The following RNF227 variants were observed in gnomAD, a reference collection of about 807,000 sequenced individuals.
The protein encoded by RNF227 is long intergenic non-protein coding RNA 2581.
A neutral mutation model predicts 4.9 loss-of-function variants in RNF227; 8 were observed. The observed-to-expected ratio is 1.65, with a 90% CI of 0.97 to 2.98. The LOEUF (loss-of-function observed/expected upper bound fraction) is 2.98. RNF227 is among the 30% of genes most tolerant of loss of function. The probability of loss-of-function intolerance (pLI) is 0.00; values close to 1 mark genes in which losing one functional copy is unlikely to be tolerated. For synonymous variants in RNF227, 63 were observed against 28.1 expected (o/e 2.25, Z -3.94); for missense variants, 136 against 65.4 (o/e 2.08, Z -3.72).
rs1971959665 is a variant in RNF227 at position 7,915,766 on chromosome 17, T to C, written c.430A>G (p.Arg144Gly). The C allele has an allele frequency of 1.4e-6, 1 of 702,406 alleles. No individual in the cohort carries two copies. The highest frequency in any genetic ancestry group is 2.0e-5 in the Admixed American group (1 of 49,978). The allele number at this position is 702,406 out of a possible 1,614,324, so 43.5% of individuals were successfully genotyped here. A position where few individuals can be genotyped will look rare whatever the true frequency, so the allele number is the denominator to read the frequency against. The change falls in exon 1 of 2, where the codon AGG becomes GGG. Residue 144 changes from arginine (R) to glycine (G), a missense_variant. Arg to Gly is a moderately radical substitution (Grantham distance 125). Coordinates refer to ENST00000324348, the MANE Select transcript of RNF227 (RefSeq NM_001358699.2). The part of the protein sequence containing the change: ...EGESEKGAGP[R>G]SAGWRALRRL... ...CGGAGCGCGCGCCACCCAGCACTCC[T>C]AGGCCCCGCCCCCTTCTCGCTCTCC...
In RNF227 at chr17:7,915,964, G is replaced by A. The variant is rs1023436437; in HGVS notation, c.232C>T (p.Pro78Ser). Reference sequence around the variant, plus strand: ...AGCTGCGAGGGCGCGCGGCAGAAGGGGCACGTGACCACGCGGCGCAGGCGC... The same window carrying A: ...AGCTGCGAGGGCGCGCGGCAGAAGGAGCACGTGACCACGCGGCGCAGGCGC... ...VVRLRRVVTC[P>S]FCRAPSQLPR... Residue 78 changes from proline (P) to serine (S), a missense_variant, in exon 1 of 2, where the codon CCC becomes TCC. Physicochemically the swap from Pro to Ser is moderately conservative, Grantham distance 74. Coordinates refer to ENST00000324348, the MANE Select transcript of RNF227 (RefSeq NM_001358699.2). 7.8e-5 allele frequency: 45 copies of A among 576,020 alleles called. No individual in the cohort carries two copies. Among genetic ancestry groups the A allele is most frequent in the African/African-American group, 6.7e-4 (35 of 51,990 alleles). 35.7% of individuals were successfully genotyped at this position (576,020 alleles called of 1,614,324 possible).
chr17:7,915,735 A>C lies in RNF227; in HGVS notation c.461T>G (p.Leu154Arg). 1.4e-6 allele frequency: 1 copy of C among 702,384 alleles called. No homozygotes were observed. The highest frequency in any genetic ancestry group is 2.6e-6 in the Non-Finnish European group (1 of 384,686). The allele number at this position is 702,384 out of a possible 1,614,324, so 43.5% of individuals were successfully genotyped here. A position where few individuals can be genotyped will look rare whatever the true frequency, so the allele number is the denominator to read the frequency against. The change falls in exon 1 of 2, where the codon CTC (leucine) becomes CGC (arginine). Residue 154 changes from leucine to arginine, a missense_variant. Coordinates refer to ENST00000324348, the MANE Select transcript of RNF227 (RefSeq NM_001358699.2). ...RSAGWRALRR[L>R]WDRVLGPARR... ...CGCAGGCCCCAGGACCCTGTCCCAG[A>C]GCCGCCGGAGCGCGCGCCACCCAGC...
Position 7,915,160 on chromosome 17 carries a change from CAAAG to C in RNF227, c.*358_*361del. The C allele has an allele frequency of 5.4e-6, 2 of 372,344 alleles. No individual in the cohort carries two copies. The highest frequency in any genetic ancestry group is 2.4e-5 in the South Asian group (1 of 41,032). The allele number at this position is 372,344 out of a possible 1,614,324, so 23.1% of individuals were successfully genotyped here. A position where few individuals can be genotyped will look rare whatever the true frequency, so the allele number is the denominator to read the frequency against. On this transcript the variant is annotated 3_prime_UTR_variant, in exon 2 of 2. Transcript: ENST00000324348. ...AAAAAAAAAAAATTCAAACCATTGA[CAAAG>C]AATTGCTAAAATGGGACCTGTTGCT...
Position 7,916,252 on chromosome 17 carries a change from G to T in RNF227, c.-57C>A. The T allele has an allele frequency of 2.7e-6, 1 of 371,032 alleles. No individual in the cohort carries two copies. Among genetic ancestry groups the T allele is most frequent in the South Asian group, 1.3e-4 (1 of 7,436 alleles). 23.0% of individuals were successfully genotyped at this position (371,032 alleles called of 1,614,324 possible). A position where few individuals can be genotyped will look rare whatever the true frequency, so the allele number is the denominator to read the frequency against. On this transcript the variant is annotated 5_prime_UTR_variant, in exon 1 of 2. Coordinates refer to ENST00000324348, the MANE Select transcript of RNF227 (RefSeq NM_001358699.2). ...ACGCGGCCAGCTCCGTGAACAGAAC[G>T]AGCACACTCTCCTGGGGCCGGGTCG...
chr17:7,915,950 C>T lies in RNF227; in HGVS notation c.246G>A (p.Ala82=), dbSNP rs1414268786. ...GGCCGCCGCGAGGGAGCTGCGAGGG[C>T]GCGCGGCAGAAGGGGCACGTGACCA... ...RRVVTCPFCR[A]PSQLPRGGLT... Residue 82 remains alanine (A), a synonymous_variant, in exon 1 of 2, where the codon GCG becomes GCA. Coordinates refer to ENST00000324348, the MANE Select transcript of RNF227 (RefSeq NM_001358699.2). The T allele has an allele frequency of 8.9e-6, 6 of 671,788 alleles. No homozygotes were observed. The highest frequency in any genetic ancestry group is 7.6e-5 in the South Asian group (5 of 65,632). 41.6% of individuals were successfully genotyped at this position (671,788 alleles called of 1,614,324 possible).
chr17:7,913,588 G>A lies in RNF227; in HGVS notation c.*1934C>T, dbSNP rs1342737827. ...AAAGAGGGAGCATTTAAGCTGAGAT[G>A]TAAGGACAGGAAAATGCCAAAATAG... On this transcript the variant is annotated 3_prime_UTR_variant, in exon 2 of 2. Coordinates refer to ENST00000324348, the MANE Select transcript of RNF227 (RefSeq NM_001358699.2). 12 of 152,198 alleles carry A rather than the reference G, an allele frequency of 7.9e-5. No individual in the cohort carries two copies. Among genetic ancestry groups the A allele is most frequent in the Admixed American group, 7.9e-4 (12 of 15,284 alleles). 9.4% of individuals were successfully genotyped at this position (152,198 alleles called of 1,614,324 possible). A position where few individuals can be genotyped will look rare whatever the true frequency, so the allele number is the denominator to read the frequency against.
At position 7,914,281 on chromosome 17, in the gene RNF227, A is replaced by C. The variant is rs1421976863; in HGVS notation, c.*1241T>G. On this transcript the variant is annotated 3_prime_UTR_variant, in exon 2 of 2. Coordinates refer to ENST00000324348, the MANE Select transcript of RNF227 (RefSeq NM_001358699.2). ...AGAGTCTGGCCCGGCGCGGTGGCTC[A>C]CTCCTATAATCCCAGCACTTTGGGA... is the stretch of plus-strand genomic sequence containing the variant. The C allele has an allele frequency of 6.6e-6, 1 of 151,848 alleles. No individual in the cohort carries two copies. Among genetic ancestry groups the C allele is most frequent in the African/African-American group, 2.4e-5 (1 of 41,276 alleles). 9.4% of individuals were successfully genotyped at this position (151,848 alleles called of 1,614,324 possible). A position where few individuals can be genotyped will look rare whatever the true frequency, so the allele number is the denominator to read the frequency against.
In RNF227 at chr17:7,915,261, G is replaced by A; in HGVS notation, c.*261C>T. On this transcript the variant is annotated 3_prime_UTR_variant, in exon 2 of 2. Transcript: ENST00000324348. ...GAAAACAGTCTGTCTTCTTCCCACG[G>A]TAACGTAGGCTTTGTTTATATCATC... 1 of 588,086 alleles carries A rather than the reference G, an allele frequency of 1.7e-6. No individual in the cohort carries two copies. 36.4% of individuals were successfully genotyped at this position (588,086 alleles called of 1,614,324 possible). A position where few individuals can be genotyped will look rare whatever the true frequency, so the allele number is the denominator to read the frequency against.
Position 7,915,900 on chromosome 17 carries a change from T to A in RNF227, c.296A>T (p.Asp99Val), listed in dbSNP as rs1049921942. 1.4e-6 allele frequency: 1 copy of A among 702,300 alleles called. No homozygotes were observed. The highest frequency in any genetic ancestry group is 2.6e-6 in the Non-Finnish European group (1 of 384,610). 43.5% of individuals were successfully genotyped at this position (702,300 alleles called of 1,614,324 possible). A position where few individuals can be genotyped will look rare whatever the true frequency, so the allele number is the denominator to read the frequency against. Residue 99 changes from aspartate (D) to valine (V), a missense_variant, in exon 1 of 2, where the codon GAC (aspartate) becomes GTC (valine). Asp to Val is a radical substitution (Grantham distance 152, BLOSUM62 -3). Coordinates refer to ENST00000324348, the MANE Select transcript of RNF227 (RefSeq NM_001358699.2). ...GGLTEMALDS[D>V]LWSRLEEKAR... ...TTTTTCCTCCAATCGCGACCACAAG[T>A]CCGAGTCAAGAGCCATCTCCGTGAG... is the stretch of plus-strand genomic sequence containing the variant.
chr17:7,915,336 G>A lies in RNF227; in HGVS notation c.*186C>T. Reference sequence around the variant, plus strand: ...GTAAGACTGGCACAGTCAGTAGATGGGGGCGAGTTCGTCTAGGAGCCTCCC... The same window carrying A: ...GTAAGACTGGCACAGTCAGTAGATGAGGGCGAGTTCGTCTAGGAGCCTCCC... On this transcript the variant is annotated 3_prime_UTR_variant, in exon 2 of 2. Coordinates refer to ENST00000324348, the MANE Select transcript of RNF227 (RefSeq NM_001358699.2). 1 of 691,962 alleles carries A rather than the reference G, an allele frequency of 1.4e-6. No homozygotes were observed. The highest frequency in any genetic ancestry group is 2.7e-5 in the East Asian group (1 of 36,980). The allele number at this position is 691,962 out of a possible 1,614,324, so 42.9% of individuals were successfully genotyped here. A position where few individuals can be genotyped will look rare whatever the true frequency, so the allele number is the denominator to read the frequency against.
intron 1 of RNF227, 33 bp from the exon 2 acceptor site, chr17:7,915,610 G>A (rs566828551): frequency 1.4e-6 from 1 of 703,018 alleles, no homozygotes; most frequent in African/African-American, 1.7e-5. Context: ...GTGGCAGCAG[G>A]AGCATGCCAA....
chr17:7,916,293 G>A (rs1971972101), upstream of RNF227: 1 of 343,398 alleles, frequency 2.9e-6, no homozygotes, highest in Non-Finnish European at 5.3e-6. Context: ...TGGGGCCGGC[G>A]CCGCGGCCTC....
Position 7,915,672 on chromosome 17 carries a change from C to A in RNF227, c.517+7G>T, listed in dbSNP as rs1971957592. On this transcript the variant is annotated splice_region_variant and intron_variant, in intron 1 of 1. Coordinates refer to ENST00000324348, the MANE Select transcript of RNF227 (RefSeq NM_001358699.2). ...CTCCCCTGCATCCTCCCCGGGCAGC[C>A]CCTCACCGTTGCTAGGCAGCGGACG... The A allele has an allele frequency of 2.8e-6, 2 of 702,102 alleles. No homozygotes were observed. Among genetic ancestry groups the A allele is most frequent in the Middle Eastern group, 2.3e-4 (1 of 4,368 alleles). 43.5% of individuals were successfully genotyped at this position (702,102 alleles called of 1,614,324 possible).
intron 1 of RNF227, 45 bp from the exon 2 acceptor site, chr17:7,915,622 G>T: frequency 2.8e-6 from 2 of 702,958 alleles, no homozygotes; most frequent in Non-Finnish European, 5.2e-6. Context: ...GCATGCCAAC[G>T]AACCTCGGTA....
chr17:7,916,021 C>G lies in RNF227; in HGVS notation c.175G>C (p.Gly59Arg), dbSNP rs1567886782. 2 of 349,326 alleles carry G rather than the reference C, an allele frequency of 5.7e-6. No individual in the cohort carries two copies. Among genetic ancestry groups the G allele is most frequent in the Non-Finnish European group, 1.0e-5 (2 of 195,616 alleles). 21.6% of individuals were successfully genotyped at this position (349,326 alleles called of 1,614,324 possible). Residue 59 changes from glycine (G) to arginine (R), a missense_variant, in exon 1 of 2, where the codon GGG becomes CGG. Transcript: ENST00000324348. ...TACLRELAARGDGGGAAARVV... is the reference protein window; with the variant it reads ...TACLRELAARRDGGGAAARVV... Reference sequence around the variant, plus strand: ...CGCGCGGCCGCCCCGCCGCCGTCCCCGCGCGCCGCCAGCTCGCGGAGGCAG... The same window carrying G: ...CGCGCGGCCGCCCCGCCGCCGTCCCGGCGCGCCGCCAGCTCGCGGAGGCAG...
rs1225788352 is a variant in RNF227 at position 7,915,680 on chromosome 17, G to A, written c.516C>T (p.Asn172=). Residue 172 remains asparagine, a splice_region_variant and synonymous_variant, in exon 1 of 2, where the codon AAC becomes AAT. Transcript: ENST00000324348. ...CATCCTCCCCGGGCAGCCCCTCACC[G>A]TTGCTAGGCAGCGGACGCCGCCAGC... ...ARRWRRPLPS[N]VLYCAEIKDI... 2.9e-6 allele frequency: 2 copies of A among 701,528 alleles called. No individual in the cohort carries two copies. The highest frequency in any genetic ancestry group is 5.2e-6 in the Non-Finnish European group (2 of 383,990). 43.5% of individuals were successfully genotyped at this position (701,528 alleles called of 1,614,324 possible).
Position 7,915,980 on chromosome 17 carries a change from G to A in RNF227, c.216C>T (p.Arg72=), listed in dbSNP as rs1204262236. The A allele has an allele frequency of 7.2e-6, 3 of 419,400 alleles. No homozygotes were observed. Among genetic ancestry groups the A allele is most frequent in the Non-Finnish European group, 1.3e-5 (3 of 237,316 alleles). 26.0% of individuals were successfully genotyped at this position (419,400 alleles called of 1,614,324 possible). A position where few individuals can be genotyped will look rare whatever the true frequency, so the allele number is the denominator to read the frequency against. Residue 72 remains arginine, a synonymous_variant, in exon 1 of 2, where the codon CGC becomes CGT. Transcript: ENST00000324348. ...GGAAARVVRL[R]RVVTCPFCRA... ...GGCAGAAGGGGCACGTGACCACGCG[G>A]CGCAGGCGCACCACGCGCGCGGCCG...
rs1421983542 is a variant in RNF227 at position 7,916,016 on chromosome 17, G to A, written c.180C>T (p.Asp60=). Residue 60 remains aspartate (D), a synonymous_variant, in exon 1 of 2, where the codon GAC becomes GAT. Coordinates refer to ENST00000324348, the MANE Select transcript of RNF227 (RefSeq NM_001358699.2). ...ACLRELAARG[D]GGGAAARVVR... is the part of the protein sequence containing the mutation. ...CCACGCGCGCGGCCGCCCCGCCGCC[G>A]TCCCCGCGCGCCGCCAGCTCGCGGA... 8.6e-6 allele frequency: 3 copies of A among 348,840 alleles called. No homozygotes were observed. The highest frequency in any genetic ancestry group is 1.5e-5 in the Non-Finnish European group (3 of 195,452). The allele number at this position is 348,840 out of a possible 1,614,324, so 21.6% of individuals were successfully genotyped here. A position where few individuals can be genotyped will look rare whatever the true frequency, so the allele number is the denominator to read the frequency against.
Position 7,916,230 on chromosome 17 carries a change from C to T in RNF227, c.-35G>A, listed in dbSNP as rs779741974. The T allele has an allele frequency of 3.7e-5, 14 of 382,094 alleles. No individual in the cohort carries two copies. Among genetic ancestry groups the T allele is most frequent in the Admixed American group, 2.3e-4 (5 of 22,156 alleles). 23.7% of individuals were successfully genotyped at this position (382,094 alleles called of 1,614,324 possible). ...CGCGGACTCGAGGACGTCGCTAACG[C>T]GGCCAGCTCCGTGAACAGAACGAGC... On this transcript the variant is annotated 5_prime_UTR_variant, in exon 1 of 2. Transcript: ENST00000324348.
Sources: allele counts gnomAD v4.1 joint callset, GRCh38; gene constraint gnomAD v4.1.1; transcripts MANE v1.5; gene names NCBI Gene and HGNC (gene_info 2026-07-23, HGNC 2026-07-21).